Variants in FREM2 observed in about 807,000 individuals in gnomAD.
The protein encoded by FREM2 is FRAS1 related extracellular matrix 2.
In FREM2, 119 loss-of-function variants were observed where a neutral mutation model predicts 219.9. The ratio of observed to expected loss-of-function variants is 0.54; its 90% CI spans 0.47 to 0.63. FREM2 has a LOEUF of 0.63. Among genes scored for constraint, FREM2 ranks in the 30% least tolerant of loss-of-function variants. The pLI is 0.00. For missense variants in FREM2, 4,030 were observed against 3,993.6 expected (o/e 1.01, Z -0.25); for synonymous variants, 1,562 against 1,522.8 (o/e 1.03, Z -0.60).
intron 7 of FREM2, among the ~76,000 whole-genome samples, chr13:38,847,276 A>G (rs1254572732): frequency 6.6e-6 from 1 of 151,218 alleles, no homozygotes; most frequent in East Asian, 1.9e-4. Context: ...AGTTTACAGC[A>G]AGCATAGAAT....
In FREM2 at chr13:38,878,310, T is replaced by A; in HGVS notation, c.8848T>A (p.Phe2950Ile). The A allele has an allele frequency of 6.2e-7, 1 of 1,613,122 alleles. No homozygotes were observed. The highest frequency in any genetic ancestry group is 1.3e-5 in the African/African-American group (1 of 74,934). Reference protein sequence around the residue: ...LADSPSLLYRFKIVDKAQPET... With the variant: ...LADSPSLLYRIKIVDKAQPET... ...CGACTCTCCTTCACTCTTATATAGA[T>A]TTAAAATTGTGGTAAGTGCTTTGAC... Residue 2950 changes from phenylalanine to isoleucine, a missense_variant, in exon 22 of 24, where the codon TTT becomes ATT. Phe to Ile is a conservative substitution (Grantham distance 21, BLOSUM62 0). Transcript: ENST00000280481.
chr13:38,800,205 A>G (rs373619267), intron 6 of FREM2, among the ~76,000 whole-genome samples: 97 of 152,232 alleles, frequency 6.4e-4, no homozygotes, highest in African/African-American at 2.3e-3. Context: ...TTTCACTTAC[A>G]AGTTTAGGGA....
intron 2 of FREM2, among the ~76,000 whole-genome samples, chr13:38,702,529 T>C (rs1280068009): frequency 6.6e-6 from 1 of 152,158 alleles, no homozygotes; most frequent in Non-Finnish European, 1.5e-5. Flanking sequence ...AGTCCTCGTG[T>C]AAACTTTTTT....
intron 6 of FREM2, among the ~76,000 whole-genome samples, chr13:38,809,583 T>G (rs1214297830): frequency 6.6e-6 from 1 of 152,066 alleles, no homozygotes; most frequent in Non-Finnish European, 1.5e-5. Context: ...TTGAAGAGAC[T>G]TTTTCCCAAA....
At chr13:38,711,389 G>A (rs1300813885) in intron 2 of FREM2, among the ~76,000 whole-genome samples, 1 of 152,022 alleles carries the variant, frequency 6.6e-6, no homozygotes, top group Non-Finnish European at 1.5e-5. Context: ...AAAAAAATAA[G>A]TGATGTTACT....
chr13:38,797,746 G>GT (rs1329132495), intron 6 of FREM2, among the ~76,000 whole-genome samples: 1 of 151,674 alleles, frequency 6.6e-6, no homozygotes, highest in Non-Finnish European at 1.5e-5. Flanking sequence ...GTAGTTCTTA[G>GT]TTTTTATAGT....
Position 38,691,599 on chromosome 13 carries a change from A to C in FREM2, c.4255A>C (p.Ile1419Leu). 6.2e-7 allele frequency: 1 copy of C among 1,614,104 alleles called. No homozygotes were observed. The highest frequency in any genetic ancestry group is 8.5e-7 in the Non-Finnish European group (1 of 1,180,010). ...TTATGTGTCCATCGGGAGCATTGAC[A>C]TTGTCTTCCCTGATGTGATAAGTAA... ...YFYVSIGSID[I>L]VFPDVISKGV... Residue 1419 changes from isoleucine to leucine, a missense_variant, in exon 1 of 24, where the codon ATT (isoleucine) becomes CTT (leucine). Ile to Leu is a conservative substitution (Grantham distance 5, BLOSUM62 2). Coordinates refer to ENST00000280481, the MANE Select transcript of FREM2 (RefSeq NM_207361.6).
At chr13:38,772,197 A>G (rs1873691062) in intron 4 of FREM2, among the ~76,000 whole-genome samples, 1 of 152,204 alleles carries the variant, frequency 6.6e-6, no homozygotes, top group Non-Finnish European at 1.5e-5. Flanking sequence ...AAAATTTTAC[A>G]TTAAAAATTT....
intron 6 of FREM2, among the ~76,000 whole-genome samples, chr13:38,808,365 C>G (rs146629944): frequency 2.6e-5 from 4 of 152,126 alleles, no homozygotes; most frequent in African/African-American, 9.6e-5. Context: ...AAATGTCCTT[C>G]AAGAGCTATT....
intron 16 of FREM2, among the ~76,000 whole-genome samples, chr13:38,869,344 T>G (rs7331927): frequency 0.077 from 11,755 of 152,304 alleles, 789 homozygotes; most frequent in Admixed American, 0.2. Context: ...GTGATTAACT[T>G]TTATGCAGCT....
intron 2 of FREM2, among the ~76,000 whole-genome samples, chr13:38,712,028 C>T (rs1218021407): frequency 1.4e-5 from 2 of 145,958 alleles, no homozygotes; most frequent in Non-Finnish European, 3.0e-5. Context: ...TCAAGTGATT[C>T]TCCTGCCTCA....
chr13:38,855,989 CACACCCAAATAT>C (rs968313583), intron 11 of FREM2, 125 bp from the exon 12 acceptor site: 46 of 596,560 alleles, frequency 7.7e-5, no homozygotes, highest in African/African-American at 5.5e-4. Flanking sequence ...ATTTTACACA[CACACCCAAATAT>C]ACTGGACCAC....
At position 38,761,950 on chromosome 13, in the gene FREM2, T is replaced by C. The variant is rs149961157; in HGVS notation, c.5264-2354T>C. On this transcript the variant is annotated intron_variant, in intron 2 of 23. Coordinates refer to ENST00000280481, the MANE Select transcript of FREM2 (RefSeq NM_207361.6). ...TCTGCAAAGAAAAGTCCACTTGATA[T>C]GGGCAAAAGCTGTAGGCAAGAGGGG... is the stretch of plus-strand genomic sequence containing the variant. Among the ~76,000 whole-genome samples, 50 of 152,206 alleles carry C rather than the reference T, an allele frequency of 3.3e-4. No homozygotes were observed. The East Asian group carries it at 8.7e-3, about 27-fold the overall frequency.
In FREM2 at chr13:38,769,426, A is replaced by G. The variant is rs1873564517; in HGVS notation, c.5411-152A>G. On this transcript the variant is annotated intron_variant, in intron 3 of 23. Coordinates refer to ENST00000280481, the MANE Select transcript of FREM2 (RefSeq NM_207361.6). ...ACACCTACAGTGAAACACTTTCATC[A>G]TCAGACCCATTCCCAATTTTCCATT... 4 of 708,956 alleles carry G rather than the reference A, an allele frequency of 5.6e-6. No homozygotes were observed. The Admixed American group carries it at 8.5e-5, about 15-fold the overall frequency. The allele number at this position is 708,956 out of a possible 1,614,324, so 43.9% of individuals were successfully genotyped here.
At chr13:38,754,874 G>A (rs1303918278) in intron 2 of FREM2, among the ~76,000 whole-genome samples, 5 of 67,994 alleles carry the variant, frequency 7.4e-5, no homozygotes, top group East Asian at 9.1e-4. Flanking sequence ...TGATGATGAT[G>A]ATGATGATGA....
chr13:38,791,554 A>T (rs995701062), intron 6 of FREM2, among the ~76,000 whole-genome samples: 8 of 152,202 alleles, frequency 5.3e-5, no homozygotes, highest in African/African-American at 1.7e-4. Flanking sequence ...ACTTACAATC[A>T]TGGCAGAAGG....
At chr13:38,719,107 A>T (rs2496440) in intron 2 of FREM2, among the ~76,000 whole-genome samples, 1 of 152,096 alleles carries the variant, frequency 6.6e-6, no homozygotes, top group African/African-American at 2.4e-5. Context: ...GGCTGTGTTC[A>T]TCTGGAAGCC....
Position 38,864,360 on chromosome 13 carries a change from G to A in FREM2, c.7737G>A (p.Lys2579=). 1 of 1,614,160 alleles carries A rather than the reference G, an allele frequency of 6.2e-7. No individual in the cohort carries two copies. Among genetic ancestry groups the A allele is most frequent in the Non-Finnish European group, 8.5e-7 (1 of 1,180,002 alleles). The stretch of plus-strand genomic sequence containing the variant: ...ATGGCACAAGAGTTGGAAACCACAA[G>A]TGCTCCAACCTCCTGGATTATACTG... ...SPDGTRVGNH[K]CSNLLDYTEV... is the part of the protein sequence containing the mutation. Residue 2579 remains lysine, a synonymous_variant, in exon 16 of 24, where the codon AAG becomes AAA. Transcript: ENST00000280481.
At chr13:38,777,452 C>A (rs182758661) in intron 4 of FREM2, among the ~76,000 whole-genome samples, 166 of 152,248 alleles carry the variant, frequency 1.1e-3, no homozygotes, top group African/African-American at 3.9e-3. Flanking sequence ...GGGTTGAAAC[C>A]CCAGCATCAC....
Sources: allele counts gnomAD v4.1 joint callset (sites outside exome capture counted in the v4.1 genomes callset), GRCh38; gene constraint gnomAD v4.1.1; transcripts MANE v1.5; gene names NCBI Gene and HGNC (gene_info 2026-07-23, HGNC 2026-07-21).